DCAF8: variants seen among roughly 807,000 people sequenced by gnomAD.
The protein encoded by DCAF8 is DDB1 and CUL4 associated factor 8.
Under a neutral mutation model 68.0 loss-of-function variants are expected in DCAF8, and 20 were observed. The ratio of observed to expected loss-of-function variants is 0.29; its 90% CI spans 0.21 to 0.43. The LOEUF is 0.43. Ranked by LOEUF, DCAF8 falls within the 20% of genes least tolerant of loss-of-function variation. DCAF8 has a pLI of 1.00. For missense variants in DCAF8, 460 were observed against 771.0 expected (o/e 0.60, Z 4.78); for synonymous variants, 230 against 276.9 (o/e 0.83, Z 1.68).
At chr1:160,257,816 T>C (rs2101774377) in intron 2 of DCAF8, among the ~76,000 whole-genome samples, 1 of 152,346 alleles carries the variant, frequency 6.6e-6, no homozygotes, top group Non-Finnish European at 1.5e-5. Context: ...ATCTCAGCTC[T>C]ACCTCCTGGA....
chr1:160,224,614 G>A (rs1227159078), intron 9 of DCAF8, 65 bp from the exon 10 acceptor site: 4 of 1,289,454 alleles, frequency 3.1e-6, no homozygotes, highest in Non-Finnish European at 4.5e-6. Context: ...AGGAGGTGGG[G>A]GTTGGGGTGG....
chr1:160,225,551 T>A, intron 8 of DCAF8, 40 bp downstream of exon 8: 1 of 1,530,702 alleles, frequency 6.5e-7, no homozygotes, highest in East Asian at 2.3e-5. Context: ...TGGGGTTGAG[T>A]CAGGGAAGCC....
intron 2 of DCAF8, among the ~76,000 whole-genome samples, chr1:160,259,035 T>C (rs1026852464): frequency 1.3e-5 from 2 of 152,206 alleles, no homozygotes; most frequent in Middle Eastern, 3.2e-3. Flanking sequence ...ATGGAGAATT[T>C]AGACCCTGGA....
At chr1:160,217,952 T>A in intron 13 of DCAF8, 1 of 512,192 alleles carries the variant, frequency 2.0e-6, no homozygotes, top group Admixed American at 3.6e-5. Flanking sequence ...AATGAAACTT[T>A]ATTTACAAAA....
chr1:160,256,824 A>C (rs943056881), intron 2 of DCAF8, among the ~76,000 whole-genome samples: 1 of 152,212 alleles, frequency 6.6e-6, no homozygotes, highest in Admixed American at 6.5e-5. Context: ...TATCTGTATC[A>C]TAACACATTC....
Position 160,238,638 on chromosome 1 carries a change from C to T in DCAF8, c.833G>A (p.Arg278His), listed in dbSNP as rs1454615161. Residue 278 changes from arginine to histidine, a missense_variant, in exon 5 of 14, where the codon CGT (arginine) becomes CAT (histidine). Around this residue, in one of 8 missense-constraint regions of DCAF8, gnomAD observed 170 missense variants for 318.2 expected, o/e 0.53. Coordinates refer to ENST00000368074, the MANE Select transcript of DCAF8 (RefSeq NM_015726.4). Reference protein sequence around the residue: ...SATQCCKNTKRVAQHKGASHK... With the variant: ...SATQCCKNTKHVAQHKGASHK... ...GGACGCTCCCTTGTGCTGGGCCACA[C>T]GTTTTGTATTCTTGCAACACTGTGT... 11 of 1,612,740 alleles carry T rather than the reference C, an allele frequency of 6.8e-6. No homozygotes were observed. The highest frequency in any genetic ancestry group is 2.7e-5 in the African/African-American group (2 of 74,948).
Position 160,218,915 on chromosome 1 carries a change from T to G in DCAF8, c.1494A>C (p.Leu498=), listed in dbSNP as rs761549031. ...GTGCCCAGATCTTCACATCATGGTC[T>G]AGGCCACTGGTTGCCAGCACAGGCA... is the stretch of plus-strand genomic sequence containing the variant. The part of the protein sequence containing the change: ...PHLPVLATSG[L]DHDVKIWAPT... The change falls in exon 12 of 14, where the codon CTA becomes CTC. Residue 498 remains leucine, a synonymous_variant. Coordinates refer to ENST00000368074, the MANE Select transcript of DCAF8 (RefSeq NM_015726.4). 9.3e-6 allele frequency: 15 copies of G among 1,614,252 alleles called. No homozygotes were observed. Among genetic ancestry groups the G allele is most frequent in the Non-Finnish European group, 1.3e-5 (15 of 1,180,040 alleles).
rs934728197 is a variant in DCAF8, at chr1:160,228,048, A to C, written c.1071-2385T>G. On this transcript the variant is annotated intron_variant, in intron 7 of 13. Transcript: ENST00000368074. ...TGGGACTACAGGAGCATACCACCAC[A>C]CCTGGAGATATTTAATTAATTAAAA... 4.6e-5 allele frequency among the ~76,000 whole-genome samples: 7 copies of C among 151,644 alleles called. No individual in the cohort carries two copies. In the East Asian group the frequency reaches 1.4e-3, roughly 29 times the overall value.
Position 160,218,424 on chromosome 1 carries a change from T to C in DCAF8, c.1577A>G (p.Lys526Arg). ...CAAGCTATCTTCATCCCGCTCCCGCTTGTTCTTCTTAATCACCTGGAACCC... is the reference window on the plus strand; with the variant it reads ...CAAGCTATCTTCATCCCGCTCCCGCCTGTTCTTCTTAATCACCTGGAACCC... ...TGLKDVIKKNKRERDEDSLHQ... is the reference protein window; with the variant it reads ...TGLKDVIKKNRRERDEDSLHQ... The change falls in exon 13 of 14, where the codon AAG (lysine) becomes AGG (arginine). Residue 526 changes from lysine (K) to arginine (R), a missense_variant. Physicochemically the swap from Lys to Arg is conservative, Grantham distance 26. Coordinates refer to ENST00000368074, the MANE Select transcript of DCAF8 (RefSeq NM_015726.4). The C allele has an allele frequency of 1.2e-6, 2 of 1,614,170 alleles. No homozygotes were observed. Among genetic ancestry groups the C allele is most frequent in the East Asian group, 2.2e-5 (1 of 44,888 alleles).
rs368071810 is a variant in DCAF8, at chr1:160,224,266, G to A, written c.1309+176C>T. ...GGAGTGGCAAGAGATGCTCTTGAGC[G>A]CTTTCTCCTCTAGCATAGCGGAGAA... On this transcript the variant is annotated intron_variant, in intron 10 of 13. Transcript: ENST00000368074. Among the ~76,000 whole-genome samples, 11 of 152,270 alleles carry A rather than the reference G, an allele frequency of 7.2e-5. No individual in the cohort carries two copies. The South Asian group carries it at 1.9e-3, about 26-fold the overall frequency.
intron 2 of DCAF8, among the ~76,000 whole-genome samples, chr1:160,253,647 CAAAAAAAAAAAAAAAAAA>C (rs747211563): frequency 7.4e-5 from 2 of 26,966 alleles, no homozygotes; most frequent in South Asian, 2.1e-3. Flanking sequence ...GACTCCATCT[CAAAAAAAAAAAAAAAAAA>C]AAAAAAAAAA....
intron 7 of DCAF8, 58 bp downstream of exon 7, chr1:160,231,238 TA>T (rs1243959682): frequency 2.7e-6 from 3 of 1,127,848 alleles, no homozygotes; most frequent in African/African-American, 3.1e-5. Context: ...GAGCACCTGG[TA>T]GTATACAATG....
chr1:160,216,079 C>T lies in DCAF8; in HGVS notation c.*1513G>A, dbSNP rs1397375873. ...CAAGAATTCAGCTGGGACTTTCAGA[C>T]TCAGTGACCAGTGATAAGACAAGTG... On this transcript the variant is annotated 3_prime_UTR_variant, in exon 14 of 14. Coordinates refer to ENST00000368074, the MANE Select transcript of DCAF8 (RefSeq NM_015726.4). 6.6e-6 allele frequency: 1 copy of T among 152,148 alleles called. No homozygotes were observed. Among genetic ancestry groups the T allele is most frequent in the African/African-American group, 2.4e-5 (1 of 41,412 alleles). The allele number at this position is 152,148 out of a possible 1,614,324, so 9.4% of individuals were successfully genotyped here. A position where few individuals can be genotyped will look rare whatever the true frequency, so the allele number is the denominator to read the frequency against.
chr1:160,258,137 A>T (rs891133057), intron 2 of DCAF8, among the ~76,000 whole-genome samples: 3 of 151,896 alleles, frequency 2.0e-5, no homozygotes, highest in African/African-American at 7.3e-5. Context: ...GCTTGAGCCC[A>T]GGGGTTTGAA....
intron 6 of DCAF8, among the ~76,000 whole-genome samples, chr1:160,236,517 T>C (rs1304616794): frequency 1.3e-5 from 2 of 152,014 alleles, no homozygotes; most frequent in South Asian, 2.1e-4. Context: ...AATATGCCCA[T>C]AGCAAGGCTG....
At chr1:160,250,450 G>A (rs1010225008) in intron 2 of DCAF8, among the ~76,000 whole-genome samples, 20 of 112,374 alleles carry the variant, frequency 1.8e-4, no homozygotes, top group Non-Finnish European at 2.9e-4. Flanking sequence ...TGGGCAACAA[G>A]AGCGAAACTG....
At position 160,216,201 on chromosome 1, in the gene DCAF8, A is replaced by G. The variant is rs1655109737; in HGVS notation, c.*1391T>C. 6.6e-6 allele frequency: 1 copy of G among 151,904 alleles called. No individual in the cohort carries two copies. The highest frequency in any genetic ancestry group is 2.4e-5 in the African/African-American group (1 of 41,330). The allele number at this position is 151,904 out of a possible 1,614,324, so 9.4% of individuals were successfully genotyped here. A position where few individuals can be genotyped will look rare whatever the true frequency, so the allele number is the denominator to read the frequency against. On this transcript the variant is annotated 3_prime_UTR_variant, in exon 14 of 14. Transcript: ENST00000368074. The stretch of plus-strand genomic sequence containing the variant: ...GGACAAGGTTTAAGTCAAACCCAGG[A>G]AGTCTTTCCCTTCACTCTTCTATAA...
At chr1:160,223,987 G>A (rs1005434696) in intron 10 of DCAF8, among the ~76,000 whole-genome samples, 3 of 152,090 alleles carry the variant, frequency 2.0e-5, no homozygotes, top group Non-Finnish European at 2.9e-5. Context: ...CACAGACATG[G>A]AACAAAACAG....
chr1:160,235,346 C>T (rs538815868), intron 6 of DCAF8, among the ~76,000 whole-genome samples: 1 of 151,936 alleles, frequency 6.6e-6, no homozygotes, highest in Non-Finnish European at 1.5e-5. Flanking sequence ...GTTAGCCAGG[C>T]TGGTCTCGAA....
Sources: gnomAD v4.1 joint callset for allele counts (sites outside exome capture counted in the v4.1 genomes callset) on GRCh38, gnomAD v4.1.1 for gene constraint, gnomAD v4.1.1 regional missense constraint, MANE v1.5 for transcripts, NCBI Gene and HGNC (gene_info 2026-07-23, HGNC 2026-07-21) for gene names.